MAP3K13: variants seen among roughly 807,000 people sequenced by gnomAD.
The protein encoded by MAP3K13 is leucine zipper-bearing kinase.
Under a neutral mutation model 104.0 loss-of-function variants are expected in MAP3K13, and 52 were observed. That is an observed-to-expected ratio of 0.50 (90% CI 0.40 to 0.63). MAP3K13 has a LOEUF of 0.63. Ranked by LOEUF, MAP3K13 falls within the 20% of genes least tolerant of loss-of-function variation. The pLI, the probability that MAP3K13 is intolerant of heterozygous loss-of-function variation, is 0.00. For synonymous variants in MAP3K13, 394 were observed against 442.2 expected (o/e 0.89, Z 1.37); for missense variants, 914 against 1,218.5 (o/e 0.75, Z 3.72).
intron 7 of MAP3K13, among the ~76,000 whole-genome samples, chr3:185,459,856 G>A (rs1171561362): frequency 6.6e-6 from 1 of 152,122 alleles, no homozygotes; most frequent in African/African-American, 2.4e-5. Context: ...ACCTCATTCA[G>A]CAGTAACTCC....
chr3:185,466,043 G>A (rs1717400096), intron 9 of MAP3K13, among the ~76,000 whole-genome samples, 180 bp downstream of exon 9: 1 of 152,250 alleles, frequency 6.6e-6, no homozygotes, highest in African/African-American at 2.4e-5. Context: ...CAAATAAGTG[G>A]AGTTGCCACA....
chr3:185,446,075 G>A (rs1461410839), intron 4 of MAP3K13, among the ~76,000 whole-genome samples: 1 of 152,100 alleles, frequency 6.6e-6, no homozygotes, highest in African/African-American at 2.4e-5. Context: ...CATGGAGGAT[G>A]GTATTCAAAA....
chr3:185,424,382 A>G (rs952435005), intron 1 of MAP3K13, among the ~76,000 whole-genome samples: 8 of 152,236 alleles, frequency 5.3e-5, no homozygotes, highest in Non-Finnish European at 1.2e-4. Flanking sequence ...AAAAAGGCAA[A>G]GGATTTGGGG....
intron 2 of MAP3K13, among the ~76,000 whole-genome samples, chr3:185,351,195 G>A (rs915626002): frequency 1.3e-5 from 2 of 152,206 alleles, no homozygotes; most frequent in Non-Finnish European, 2.9e-5. Context: ...GGGCCTATTT[G>A]AAGGTGGAGG....
At chr3:185,401,486 G>C (rs752965646) in intron 1 of MAP3K13, among the ~76,000 whole-genome samples, 71 of 152,166 alleles carry the variant, frequency 4.7e-4, no homozygotes, top group Non-Finnish European at 9.1e-4. Context: ...GAATCTCCTC[G>C]GGGAGCTTCA....
intron 2 of MAP3K13, among the ~76,000 whole-genome samples, chr3:185,333,733 A>T (rs9827567): frequency 0.76 from 116,085 of 152,090 alleles, 45,045 homozygotes; most frequent in Middle Eastern, 0.85. Context: ...ATATCCATTT[A>T]AAAAAATTAA....
chr3:185,365,476 A>G (rs1299445851), intron 1 of MAP3K13, among the ~76,000 whole-genome samples: 1 of 152,200 alleles, frequency 6.6e-6, no homozygotes, highest in Non-Finnish European at 1.5e-5. Flanking sequence ...CATACTTCAG[A>G]TGGCAAAACC....
chr3:185,450,804 T>G lies in MAP3K13; in HGVS notation c.1170-483T>G, dbSNP rs1715836273. ...ATAAAAAATAAATTTAAAGAAATGT[T>G]AAGGGCCGGGTACGGTGGCTCACGC... is the stretch of plus-strand genomic sequence containing the variant. On this transcript the variant is annotated intron_variant, in intron 6 of 13. Coordinates refer to ENST00000265026, the MANE Select transcript of MAP3K13 (RefSeq NM_004721.5). The surrounding 1 kb of genome is among the most constrained non-coding windows in gnomAD (Gnocchi z 4.2). Among the ~76,000 whole-genome samples, 1 of 151,000 alleles carries G rather than the reference T, an allele frequency of 6.6e-6. No individual in the cohort carries two copies. Among genetic ancestry groups the G allele is most frequent in the Admixed American group, 6.6e-5 (1 of 15,146 alleles).
intron 2 of MAP3K13, among the ~76,000 whole-genome samples, chr3:185,298,337 T>A (rs1179950321): frequency 3.3e-5 from 5 of 152,244 alleles, no homozygotes; most frequent in South Asian, 2.1e-4. Context: ...ATGTATGTTT[T>A]AAAAAAACCA....
At chr3:185,456,428 C>T (rs1431306632) in intron 7 of MAP3K13, among the ~76,000 whole-genome samples, 2 of 152,084 alleles carry the variant, frequency 1.3e-5, no homozygotes, top group Non-Finnish European at 2.9e-5. Flanking sequence ...CACTATCGCC[C>T]ATCTGTTCAG....
chr3:185,284,487 G>A (rs1451424439), intron 1 of MAP3K13, among the ~76,000 whole-genome samples: 1 of 152,100 alleles, frequency 6.6e-6, no homozygotes, highest in African/African-American at 2.4e-5. Context: ...AGGCCAAGGT[G>A]GGCGGATCAC....
intron 1 of MAP3K13, among the ~76,000 whole-genome samples, chr3:185,409,771 A>G (rs1713324486): frequency 6.6e-6 from 1 of 152,258 alleles, no homozygotes; most frequent in Non-Finnish European, 1.5e-5. Context: ...AAAATGTGGT[A>G]TATGTACACA....
rs1724640267 is a variant in MAP3K13, at chr3:185,380,204, A to G, written c.-86+16836A>G. On this transcript the variant is annotated intron_variant, in intron 1 of 13. Transcript: ENST00000265026. ...CCGTCTCAAAAAACAAAACAAAACA[A>G]AAAAACAGAAGAAGTGCTCATTCTC... is the stretch of plus-strand genomic sequence containing the variant. Among the ~76,000 whole-genome samples the G allele has an allele frequency of 2.7e-5, 4 of 150,142 alleles. 1 individual carries two copies. The South Asian group carries it at 8.5e-4, about 32-fold the overall frequency.
chr3:185,430,316 A>T (rs1300667528), intron 2 of MAP3K13, among the ~76,000 whole-genome samples: 2 of 152,184 alleles, frequency 1.3e-5, no homozygotes, highest in Non-Finnish European at 1.5e-5. Context: ...TCATTTTTTT[A>T]AACTTTTATT....
chr3:185,328,151 C>G (rs1299286496), intron 2 of MAP3K13, among the ~76,000 whole-genome samples: 1 of 152,104 alleles, frequency 6.6e-6, no homozygotes, highest in East Asian at 1.9e-4. Flanking sequence ...ATCAGATCAG[C>G]CGGTGGTTTG....
chr3:185,351,930 A>C (rs1382099838), intron 2 of MAP3K13, among the ~76,000 whole-genome samples: 1 of 152,188 alleles, frequency 6.6e-6, no homozygotes, highest in Non-Finnish European at 1.5e-5. Context: ...GCCATTGCCT[A>C]GGGTGTTGTC....
intron 2 of MAP3K13, among the ~76,000 whole-genome samples, chr3:185,304,345 T>C (rs1721207367): frequency 6.6e-6 from 1 of 152,182 alleles, no homozygotes; most frequent in African/African-American, 2.4e-5. Context: ...TCTGTAGGGT[T>C]GTATAAGTCA....
Position 185,319,127 on chromosome 3 carries a change from A to T in MAP3K13, c.-86+33484A>T, listed in dbSNP as rs533208544. ...CTTTTTCTGGGACATGCCTTTTTTT[A>T]AAAAAAAATCTACATTATAGCCTTA... On this transcript the variant is annotated intron_variant, in intron 2 of 14. Transcript: ENST00000424227. Among the ~76,000 whole-genome samples the T allele has an allele frequency of 6.7e-4, 101 of 151,588 alleles. No individual in the cohort carries two copies. The South Asian group carries it at 8.4e-3, about 13-fold the overall frequency.
chr3:185,477,122 C>A, intron 11 of MAP3K13: 1 of 674,074 alleles, frequency 1.5e-6, no homozygotes, highest in East Asian at 2.8e-5. Context: ...TCCAGCATCT[C>A]ATGCAGGCCC....
Sources: allele counts gnomAD v4.1 joint callset (sites outside exome capture counted in the v4.1 genomes callset), GRCh38; gene constraint gnomAD v4.1.1; non-coding constraint Gnocchi (gnomAD v3.1); transcripts MANE v1.5; gene names NCBI Gene and HGNC (gene_info 2026-07-23, HGNC 2026-07-21).